The following NPTXR variants were observed in gnomAD, a reference collection of about 807,000 sequenced individuals.
NPTXR encodes neuronal pentraxin receptor.
In NPTXR, 12 loss-of-function variants were observed where a neutral mutation model predicts 32.2. The observed-to-expected ratio is 0.37, with a 90% confidence interval of 0.24 to 0.60. The LOEUF (loss-of-function observed/expected upper bound fraction) is 0.60. Among genes scored for constraint, NPTXR ranks in the 20% least tolerant of loss-of-function variants. NPTXR has a pLI of 0.66. For missense variants in NPTXR, 612 were observed against 682.9 expected (o/e 0.90, Z 1.16); for synonymous variants, 323 against 315.8 (o/e 1.02, Z -0.24).
chr22:38,832,381 G>A (rs144833920), intron 1 of NPTXR, among the ~76,000 whole-genome samples: 174 of 152,378 alleles, frequency 1.1e-3, no homozygotes, highest in African/African-American at 3.1e-3. Context: ...GCTCCTGCTG[G>A]GGCAGAAAGG....
In NPTXR at chr22:38,822,649, T is replaced by C; in HGVS notation, c.1463A>G (p.Lys488Arg). ...CCCCTTGCAGACATCGAAGGCAGCC[T>C]TTGTTGCACCCCCAAAGGCCTCCAC... The change falls in exon 5 of 5, where the codon AAG becomes AGG. Residue 488 changes from lysine to arginine, a missense_variant. By Grantham distance (26) the Lys-to-Arg change is conservative. Coordinates refer to ENST00000333039, the MANE Select transcript of NPTXR (RefSeq NM_014293.4). 2 of 1,613,820 alleles carry C rather than the reference T, an allele frequency of 1.2e-6. No individual in the cohort carries two copies. Among genetic ancestry groups the C allele is most frequent in the South Asian group, 1.1e-5 (1 of 91,040 alleles).
intron 1 of NPTXR, among the ~76,000 whole-genome samples, chr22:38,832,856 G>A (rs764322381): frequency 2.0e-5 from 3 of 152,064 alleles, no homozygotes; most frequent in Non-Finnish European, 4.4e-5. Flanking sequence ...AAGCAGGAGA[G>A]GTACTAATGG....
Position 38,820,604 on chromosome 22 carries a change from G to A in NPTXR, c.*2005C>T, listed in dbSNP as rs2093095271. 6.6e-6 allele frequency: 1 copy of A among 152,242 alleles called. No homozygotes were observed. Among genetic ancestry groups the A allele is most frequent in the African/African-American group, 2.4e-5 (1 of 41,434 alleles). 9.4% of individuals were successfully genotyped at this position (152,242 alleles called of 1,614,324 possible). A position where few individuals can be genotyped will look rare whatever the true frequency, so the allele number is the denominator to read the frequency against. On this transcript the variant is annotated 3_prime_UTR_variant, in exon 5 of 5. Coordinates refer to ENST00000333039, the MANE Select transcript of NPTXR (RefSeq NM_014293.4). ...GCACTTCCTGGGGTGGGGATGCCAA[G>A]ATGTTTGGGTGTTGCATAAAGGAAG...
Position 38,825,909 on chromosome 22 carries a change from C to T in NPTXR, c.1098+591G>A, listed in dbSNP as rs530761346. Among the ~76,000 whole-genome samples, 38 of 145,046 alleles carry T rather than the reference C, an allele frequency of 2.6e-4. 1 individual carries two copies. In the East Asian group the frequency reaches 7.7e-3, roughly 29 times the overall value. ...CCAGGCTGGAGTGCAGTGGTGCGATCTTAGCTCACTGCAAGCTCTGCCTCT... is the reference window on the plus strand; with the variant it reads ...CCAGGCTGGAGTGCAGTGGTGCGATTTTAGCTCACTGCAAGCTCTGCCTCT... On this transcript the variant is annotated intron_variant, in intron 3 of 4. Transcript: ENST00000333039.
intron 1 of NPTXR, among the ~76,000 whole-genome samples, chr22:38,838,458 T>C (rs931962321): frequency 3.3e-5 from 5 of 152,048 alleles, no homozygotes; most frequent in African/African-American, 1.2e-4. Context: ...CTCTCGGCTA[T>C]CTAGCCGGTC....
chr22:38,825,838 CTCTTT>C (rs1444123702), intron 3 of NPTXR, among the ~76,000 whole-genome samples: 11 of 92,554 alleles, frequency 1.2e-4, no homozygotes, highest in African/African-American at 1.5e-4. Flanking sequence ...TTCTCTCTCT[CTCTTT>C]TTTTTTTTTT....
At position 38,822,777 on chromosome 22, in the gene NPTXR, C is replaced by G. The variant is rs1037089429; in HGVS notation, c.1335G>C (p.Gln445His). 1 of 1,614,090 alleles carries G rather than the reference C, an allele frequency of 6.2e-7. No homozygotes were observed. The highest frequency in any genetic ancestry group is 1.3e-5 in the African/African-American group (1 of 74,938). Residue 445 changes from glutamine (Q) to histidine (H), a missense_variant, in exon 5 of 5, where the codon CAG (glutamine) becomes CAC (histidine). Physicochemically the swap from Gln to His is conservative, Grantham distance 24 (BLOSUM62 0). Coordinates refer to ENST00000333039, the MANE Select transcript of NPTXR (RefSeq NM_014293.4). ...TCAGGGCGTGGTCCCACAGGTTAAA[C>G]TGGGCAATGTCACCGACAAAGGCCT...
chr22:38,833,271 T>C (rs930404233), intron 1 of NPTXR, among the ~76,000 whole-genome samples: 1 of 152,082 alleles, frequency 6.6e-6, no homozygotes, highest in African/African-American at 2.4e-5. Flanking sequence ...CGGTGGGAGT[T>C]TGGGGTCAGA....
intron 1 of NPTXR, among the ~76,000 whole-genome samples, chr22:38,830,883 A>ACCCC (rs139991107): frequency 6.7e-6 from 1 of 148,444 alleles, no homozygotes; most frequent in Non-Finnish European, 1.5e-5. Flanking sequence ...ACCATTATCC[A>ACCCC]CCCCCCCCAC....
chr22:38,838,730 C>A (rs1422593450), intron 1 of NPTXR, among the ~76,000 whole-genome samples: 1 of 151,966 alleles, frequency 6.6e-6, no homozygotes, highest in Non-Finnish European at 1.5e-5. Flanking sequence ...TACAGGTGCC[C>A]GCCACCATGC....
intron 1 of NPTXR, among the ~76,000 whole-genome samples, chr22:38,832,628 A>G (rs1807375806): frequency 6.6e-6 from 1 of 152,206 alleles, no homozygotes. Flanking sequence ...TGCTCTCAAC[A>G]GCCTGGGGAA....
In NPTXR at chr22:38,843,548, G is replaced by A. The variant is rs937249928; in HGVS notation, c.311C>T (p.Pro104Leu). ...CGCGTCCCCCTGCTGGGCCCCCGAC[G>A]GGCAGGCAGCAGCCAGCGGCGTGCA... The change falls in exon 1 of 5, where the codon CCG (proline) becomes CTG (leucine). Residue 104 changes from proline to leucine, a missense_variant. Coordinates refer to ENST00000333039, the MANE Select transcript of NPTXR (RefSeq NM_014293.4). The surrounding 1 kb of genome is among the most constrained non-coding windows in gnomAD (Gnocchi z 5.3). 7 of 1,243,330 alleles carry A rather than the reference G, an allele frequency of 5.6e-6. No individual in the cohort carries two copies. The African/African-American group carries it at 7.9e-5, about 14-fold the overall frequency. 77.0% of individuals were successfully genotyped at this position (1,243,330 alleles called of 1,614,324 possible).
Position 38,828,381 on chromosome 22 carries a change from C to T in NPTXR, c.756G>A (p.Glu252=), listed in dbSNP as rs903554969. ...GGCTGCTGTGGCTGAGGGCCACACG[C>T]TCCTTCTCCAGTGCCAGCACCTGGG... is the stretch of plus-strand genomic sequence containing the variant. The change falls in exon 2 of 5, where the codon GAG becomes GAA. Residue 252 remains glutamate, a synonymous_variant. Coordinates refer to ENST00000333039, the MANE Select transcript of NPTXR (RefSeq NM_014293.4). 30 of 1,612,884 alleles carry T rather than the reference C, an allele frequency of 1.9e-5. No homozygotes were observed. The highest frequency in any genetic ancestry group is 1.1e-4 in the East Asian group (5 of 44,884).
intron 3 of NPTXR, among the ~76,000 whole-genome samples, chr22:38,825,840 CT>C (rs11364544): frequency 0.59 from 67,513 of 114,486 alleles, 19,520 homozygotes; most frequent in East Asian, 0.75. Flanking sequence ...CTCTCTCTCT[CT>C]TTTTTTTTTT....
intron 1 of NPTXR, among the ~76,000 whole-genome samples, chr22:38,841,153 G>C (rs111241431): frequency 0.034 from 5,129 of 152,308 alleles, 114 homozygotes; most frequent in East Asian, 0.078. Context: ...CTCACCCTGT[G>C]TCTGCTGTGC....
rs1006726914 is a variant in NPTXR, at chr22:38,822,825, C to T, written c.1287G>A (p.Leu429=). The T allele has an allele frequency of 6.2e-7, 1 of 1,613,552 alleles. No homozygotes were observed. ...CCTGGGTGGCATCAAACCGGCCACC[C>T]AGGGTATCCTGGGCCAAGACAGCAG... is the stretch of plus-strand genomic sequence containing the variant. The change falls in exon 5 of 5, where the codon CTG becomes CTA. Residue 429 remains leucine, a synonymous_variant. Coordinates refer to ENST00000333039, the MANE Select transcript of NPTXR (RefSeq NM_014293.4).
intron 1 of NPTXR, among the ~76,000 whole-genome samples, chr22:38,829,145 C>G (rs545765409): frequency 6.6e-6 from 1 of 152,244 alleles, no homozygotes; most frequent in East Asian, 1.9e-4. Context: ...AATATCCTGA[C>G]TTCTCTGAAC....
At chr22:38,836,348 AC>A (rs962443833) in intron 1 of NPTXR, among the ~76,000 whole-genome samples, 10 of 152,140 alleles carry the variant, frequency 6.6e-5, no homozygotes, top group African/African-American at 2.4e-4. Context: ...ATCAGAAACA[AC>A]CCACAGATCC....
intron 3 of NPTXR, among the ~76,000 whole-genome samples, chr22:38,824,472 C>A (rs111382838): frequency 3.9e-5 from 6 of 152,036 alleles, no homozygotes; most frequent in African/African-American, 1.5e-4. Flanking sequence ...ACAGAGGCTG[C>A]GAGGCCCAGA....
Sources: allele counts gnomAD v4.1 joint callset (sites outside exome capture counted in the v4.1 genomes callset), GRCh38; gene constraint gnomAD v4.1.1; non-coding constraint Gnocchi (gnomAD v3.1); transcripts MANE v1.5; gene names NCBI Gene and HGNC (gene_info 2026-07-23, HGNC 2026-07-21).